BMPR1B: variants seen among roughly 807,000 people sequenced by gnomAD.
The protein encoded by BMPR1B is bone morphogenetic protein receptor type-1B.
In BMPR1B, 12 loss-of-function variants were observed where a neutral mutation model predicts 59.1. The ratio of observed to expected loss-of-function variants is 0.20; its 90% CI spans 0.13 to 0.33. BMPR1B has a LOEUF of 0.33. BMPR1B is among the 10% of genes least tolerant of loss of function. The probability of loss-of-function intolerance (pLI) is 1.00; values close to 1 mark genes in which losing one functional copy is unlikely to be tolerated. For synonymous variants in BMPR1B, 237 were observed against 207.3 expected, an observed-to-expected ratio of 1.14 and a Z score of -1.23; for missense variants, 550 against 610.9, an observed-to-expected ratio of 0.90 and a Z score of 1.05.
At chr4:95,148,638 G>T in intron 10 of BMPR1B, 110 bp from the exon 11 acceptor site, 1 of 1,111,604 alleles carries the variant, frequency 9.0e-7, no homozygotes, top group South Asian at 1.3e-5. Flanking sequence ...TCCCTGGAAA[G>T]TTTTTCTTTT....
intron 2 of BMPR1B, among the ~76,000 whole-genome samples, chr4:94,981,230 G>T (rs1721065641): frequency 1.3e-5 from 2 of 151,156 alleles, no homozygotes. Flanking sequence ...TTGAGATGAG[G>T]GTATGCTCTA....
chr4:94,803,786 A>G (rs1723499444), intron 1 of BMPR1B, among the ~76,000 whole-genome samples: 1 of 152,242 alleles, frequency 6.6e-6, no homozygotes, highest in South Asian at 2.1e-4. Context: ...TCTTCTAGAT[A>G]AATCTTAATC....
chr4:94,970,296 CT>C (rs1560573133), intron 2 of BMPR1B, among the ~76,000 whole-genome samples: 1,638 of 83,850 alleles, frequency 0.02, 29 homozygotes, highest in African/African-American at 0.024. Context: ...CTTCTCTTCT[CT>C]TCTCTTCTTT....
At chr4:95,069,492 C>G (rs1363151769) in intron 3 of BMPR1B, among the ~76,000 whole-genome samples, 1 of 152,232 alleles carries the variant, frequency 6.6e-6, no homozygotes, top group African/African-American at 2.4e-5. Context: ...TTACAACTCA[C>G]TCTCTTCATC....
At chr4:94,882,693 T>C (rs1727021355) in intron 2 of BMPR1B, among the ~76,000 whole-genome samples, 1 of 152,196 alleles carries the variant, frequency 6.6e-6, no homozygotes, top group African/African-American at 2.4e-5. Context: ...TACAGTACTT[T>C]TGAAAGATAC....
chr4:95,136,994 T>G (rs1733843531), intron 10 of BMPR1B, among the ~76,000 whole-genome samples: 1 of 152,202 alleles, frequency 6.6e-6, no homozygotes, highest in South Asian at 2.1e-4. Context: ...TTCTTTTAAT[T>G]GTGATGTTAG....
intron 3 of BMPR1B, among the ~76,000 whole-genome samples, chr4:95,054,353 G>A (rs1307216195): frequency 6.6e-6 from 1 of 152,086 alleles, no homozygotes; most frequent in Non-Finnish European, 1.5e-5. Context: ...TACCTTAAAT[G>A]TTTTACTAGA....
intron 3 of BMPR1B, among the ~76,000 whole-genome samples, chr4:95,037,856 G>A (rs1325115686): frequency 6.6e-6 from 1 of 152,132 alleles, no homozygotes; most frequent in Non-Finnish European, 1.5e-5. Context: ...CATAGTCGCT[G>A]TTTCAAGTAT....
chr4:94,776,525 G>A (rs78182890), intron 1 of BMPR1B, among the ~76,000 whole-genome samples: 103 of 152,176 alleles, frequency 6.8e-4, no homozygotes, highest in African/African-American at 2.4e-3. Flanking sequence ...CTTCACCTCC[G>A]TGGCATTAGA....
intron 3 of BMPR1B, among the ~76,000 whole-genome samples, chr4:95,013,743 CTTG>C (rs918438206): frequency 2.6e-5 from 4 of 151,966 alleles, no homozygotes; most frequent in Admixed American, 6.6e-5. Flanking sequence ...GTCTGTTTCA[CTTG>C]TTATGTTATA....
intron 10 of BMPR1B, among the ~76,000 whole-genome samples, chr4:95,142,266 G>A (rs988642056): frequency 6.6e-6 from 1 of 152,132 alleles, no homozygotes; most frequent in Non-Finnish European, 1.5e-5. Flanking sequence ...AACCCACAGG[G>A]ATGTGCACAG....
rs1192994137 is a variant in BMPR1B, at chr4:95,147,120, C to G, written c.1077-1628C>G. Among the ~76,000 whole-genome samples the G allele has an allele frequency of 2.6e-5, 4 of 152,030 alleles. No individual in the cohort carries two copies. In the South Asian group the frequency reaches 8.3e-4, roughly 32 times the overall value. On this transcript the variant is annotated intron_variant, in intron 10 of 12. Transcript: ENST00000515059. ...ACGTCTTAACTTTTATTTAAGAAAA[C>G]AGGCTAGTTATTATTGCACCTAGAA...
intron 2 of BMPR1B, among the ~76,000 whole-genome samples, chr4:94,897,327 C>T (rs914129113): frequency 4.6e-5 from 7 of 152,000 alleles, no homozygotes; most frequent in Non-Finnish European, 7.4e-5. Flanking sequence ...TCTATTCCCG[C>T]GTGACTCATG....
chr4:94,910,090 G>A (rs923095853), intron 2 of BMPR1B, among the ~76,000 whole-genome samples: 8 of 151,974 alleles, frequency 5.3e-5, no homozygotes, highest in African/African-American at 1.9e-4. Flanking sequence ...TTCTAGATAC[G>A]TAAAGTTAGT....
At position 95,000,491 on chromosome 4, in the gene BMPR1B, C is replaced by T. The variant is rs139474815; in HGVS notation, c.-18+4357C>T. The stretch of plus-strand genomic sequence containing the variant: ...ACTGCACTCCAGCCTGGCGACAGAG[C>T]AAGACTCCATATCGAAAGAAAGAAA... On this transcript the variant is annotated intron_variant, in intron 3 of 12. Coordinates refer to ENST00000515059, the MANE Select transcript of BMPR1B (RefSeq NM_001203.3). Among the ~76,000 whole-genome samples the T allele has an allele frequency of 2.8e-4, 42 of 149,436 alleles. No homozygotes were observed. In the East Asian group the frequency reaches 6.8e-3, roughly 24 times the overall value.
chr4:95,121,393 G>A (rs1420385563), intron 6 of BMPR1B, among the ~76,000 whole-genome samples: 3 of 152,094 alleles, frequency 2.0e-5, no homozygotes, highest in African/African-American at 4.8e-5. Context: ...TGAAATAAGC[G>A]CATCACGGGG....
At chr4:94,801,391 G>T (rs79722171) in intron 1 of BMPR1B, among the ~76,000 whole-genome samples, 2,268 of 152,230 alleles carry the variant, frequency 0.015, 55 homozygotes, top group African/African-American at 0.051. Context: ...ACCCCTTACT[G>T]GGTGGGGTTG....
intron 3 of BMPR1B, among the ~76,000 whole-genome samples, chr4:95,023,200 TTC>T (rs1404771341): frequency 6.6e-6 from 1 of 152,132 alleles, no homozygotes; most frequent in African/African-American, 2.4e-5. Flanking sequence ...CTCCATACCT[TTC>T]TCCTCTTTCC....
intron 1 of BMPR1B, among the ~76,000 whole-genome samples, chr4:94,818,030 T>A (rs535018024): frequency 1.9e-4 from 29 of 152,244 alleles, no homozygotes; most frequent in African/African-American, 7.0e-4. Flanking sequence ...AAGGCATTAG[T>A]TTTTCAGAAG....
Sources: gnomAD v4.1 joint callset for allele counts (sites outside exome capture counted in the v4.1 genomes callset) on GRCh38, gnomAD v4.1.1 for gene constraint, MANE v1.5 for transcripts, NCBI Gene and HGNC (gene_info 2026-07-23, HGNC 2026-07-21) for gene names.